Variants in GPC5 observed in about 807,000 individuals in gnomAD.
GPC5 encodes glypican-5.
Under a neutral mutation model 53.9 loss-of-function variants are expected in GPC5, and 47 were observed. The observed-to-expected ratio is 0.87, with a 90% CI of 0.69 to 1.11. The LOEUF is 1.11. Ranked by LOEUF, GPC5 falls within the 50% of genes most tolerant of loss-of-function variation. GPC5 has a pLI of 0.00. For synonymous variants in GPC5, 286 were observed against 263.3 expected (o/e 1.09, Z -0.84); for missense variants, 748 against 713.1 (o/e 1.05, Z -0.56).
chr13:92,629,562 AATGCATAGAAACATTTTCGAATAT>A (rs1336998770), intron 7 of GPC5, among the ~76,000 whole-genome samples: 1 of 152,218 alleles, frequency 6.6e-6, no homozygotes, highest in Non-Finnish European at 1.5e-5. Context: ...GTAGATAAAC[AATGCATAGAAACATTTTCGAATAT>A]ATAATCATGA....
At chr13:91,660,023 C>A (rs986040556) in intron 2 of GPC5, among the ~76,000 whole-genome samples, 5 of 152,132 alleles carry the variant, frequency 3.3e-5, no homozygotes, top group African/African-American at 9.7e-5. Flanking sequence ...AAAAGAAAGG[C>A]TTCAGGTTGT....
chr13:91,747,691 G>A (rs1384696468), intron 4 of GPC5, among the ~76,000 whole-genome samples: 2 of 149,996 alleles, frequency 1.3e-5, no homozygotes, highest in South Asian at 2.1e-4. Context: ...TTTTTAGAAT[G>A]TGATAATTTC....
chr13:92,001,223 A>G (rs1018061896), intron 6 of GPC5, among the ~76,000 whole-genome samples: 5 of 152,240 alleles, frequency 3.3e-5, no homozygotes, highest in African/African-American at 7.2e-5. Context: ...TTGAATACAC[A>G]CAGGTGAGTT....
chr13:92,290,774 T>C (rs1265224064), intron 7 of GPC5, among the ~76,000 whole-genome samples: 1 of 152,194 alleles, frequency 6.6e-6, no homozygotes, highest in East Asian at 1.9e-4. Context: ...CTGTCTGGGC[T>C]CCCACTTTGG....
At chr13:91,579,751 C>T (rs1254731703) in intron 2 of GPC5, among the ~76,000 whole-genome samples, 6 of 151,036 alleles carry the variant, frequency 4.0e-5, no homozygotes, top group Non-Finnish European at 5.9e-5. Context: ...GCCTCAGCCT[C>T]CCAAGTAGCT....
intron 7 of GPC5, among the ~76,000 whole-genome samples, chr13:92,333,905 A>G (rs1691962106): frequency 6.6e-6 from 1 of 152,108 alleles, no homozygotes; most frequent in Admixed American, 6.6e-5. Flanking sequence ...GAAAGAACAG[A>G]TGGGCAATTT....
intron 6 of GPC5, among the ~76,000 whole-genome samples, chr13:92,048,852 C>A (rs571094620): frequency 5.9e-5 from 9 of 152,178 alleles, no homozygotes; most frequent in Non-Finnish European, 1.0e-4. Flanking sequence ...AAAAAATAAT[C>A]AAAAATTCCC....
chr13:91,586,529 TATA>T (rs2032583300), intron 2 of GPC5, among the ~76,000 whole-genome samples: 1 of 37,444 alleles, frequency 2.7e-5, no homozygotes, highest in Non-Finnish European at 4.2e-5. Context: ...TATATATATA[TATA>T]TATATATATA....
In GPC5 at chr13:92,572,368, G is replaced by T. The variant is rs141694237; in HGVS notation, c.1562-293914G>T. The stretch of plus-strand genomic sequence containing the variant: ...AACCATTGTTGTCCATTTTTTAACG[G>T]TATCACCTTTTGTTGGGACATTTTG... On this transcript the variant is annotated intron_variant, in intron 7 of 7. Transcript: ENST00000377067. Among the ~76,000 whole-genome samples the T allele has an allele frequency of 4.6e-5, 7 of 152,130 alleles. No homozygotes were observed. The East Asian group carries it at 1.4e-3, about 30-fold the overall frequency.
At chr13:91,919,502 T>G (rs2039690595) in intron 6 of GPC5, among the ~76,000 whole-genome samples, 1 of 152,230 alleles carries the variant, frequency 6.6e-6, no homozygotes, top group Non-Finnish European at 1.5e-5. Flanking sequence ...TATGCTGCTG[T>G]GATAAAATAT....
chr13:92,311,436 G>T (rs1016059180), intron 7 of GPC5, among the ~76,000 whole-genome samples: 1 of 152,100 alleles, frequency 6.6e-6, no homozygotes, highest in Admixed American at 6.5e-5. Flanking sequence ...GGAAACCATA[G>T]GAGGAGAATT....
At chr13:92,213,477 T>C (rs74326240) in intron 7 of GPC5, among the ~76,000 whole-genome samples, 4,599 of 133,854 alleles carry the variant, frequency 0.034, 231 homozygotes, top group African/African-American at 0.11. Flanking sequence ...TGAGGCCTTA[T>C]CTTGCTTGAC....
intron 7 of GPC5, among the ~76,000 whole-genome samples, chr13:92,726,852 T>G (rs181851369): frequency 1.5e-4 from 22 of 151,666 alleles, no homozygotes; most frequent in Admixed American, 6.6e-4. Context: ...TCGTTCTGAA[T>G]GTACTAACAA....
rs543326584 is a variant in GPC5 at position 92,092,016 on chromosome 13, T to G, written c.1402-52814T>G. 5.3e-5 allele frequency among the ~76,000 whole-genome samples: 8 copies of G among 152,336 alleles called. No individual in the cohort carries two copies. In the East Asian group the frequency reaches 5.8e-4, roughly 11 times the overall value. On this transcript the variant is annotated intron_variant, in intron 6 of 7. Transcript: ENST00000377067. Reference sequence around the variant, plus strand: ...TTGAGGTATATATCTATAATATCTATCTATCTAGCTAGCTATGTGGATTAA... The same window carrying G: ...TTGAGGTATATATCTATAATATCTAGCTATCTAGCTAGCTATGTGGATTAA...
intron 7 of GPC5, among the ~76,000 whole-genome samples, chr13:92,698,251 G>A (rs1041743619): frequency 6.7e-6 from 1 of 149,872 alleles, no homozygotes; most frequent in Non-Finnish European, 1.5e-5. Flanking sequence ...GTGCCATGTT[G>A]GTGTGCTGCA....
chr13:91,557,597 T>C (rs2031029589), intron 2 of GPC5, among the ~76,000 whole-genome samples: 1 of 152,140 alleles, frequency 6.6e-6, no homozygotes, highest in African/African-American at 2.4e-5. Flanking sequence ...CAGAATTTCC[T>C]TGACTCCAAT....
intron 7 of GPC5, among the ~76,000 whole-genome samples, chr13:92,224,573 C>A (rs2042471194): frequency 6.6e-6 from 1 of 152,184 alleles, no homozygotes; most frequent in African/African-American, 2.4e-5. Context: ...GGCTCACTCA[C>A]CAAAACTACT....
At chr13:92,839,122 C>T (rs151191856) in intron 7 of GPC5, among the ~76,000 whole-genome samples, 4 of 152,298 alleles carry the variant, frequency 2.6e-5, no homozygotes, top group East Asian at 1.9e-4. Flanking sequence ...TGAGCACTTA[C>T]GATAATGTCT....
At chr13:91,770,573 C>T (rs890900773) in intron 5 of GPC5, among the ~76,000 whole-genome samples, 1 of 152,132 alleles carries the variant, frequency 6.6e-6, no homozygotes, top group Non-Finnish European at 1.5e-5. Flanking sequence ...TTGCTCCTAT[C>T]ACTCAGGAAA....
Sources: gnomAD v4.1 joint callset for allele counts (sites outside exome capture counted in the v4.1 genomes callset) on GRCh38, gnomAD v4.1.1 for gene constraint, MANE v1.5 for transcripts, NCBI Gene and HGNC (gene_info 2026-07-23, HGNC 2026-07-21) for gene names.